ENPEP: variants seen among roughly 807,000 people sequenced by gnomAD.
ENPEP encodes glutamyl aminopeptidase.
ENPEP carries 103 observed loss-of-function variants against 114.5 expected under a neutral mutation model. The ratio of observed to expected loss-of-function variants is 0.90; its 90% CI spans 0.77 to 1.06. ENPEP has a LOEUF of 1.06. Ranked by LOEUF, ENPEP falls within the 50% of genes least tolerant of loss-of-function variation. ENPEP has a pLI of 0.00. For missense variants in ENPEP, 1,196 were observed against 1,161.3 expected (o/e 1.03, Z -0.43); for synonymous variants, 420 against 422.0 (o/e 1.00, Z 0.06).
intron 3 of ENPEP, among the ~76,000 whole-genome samples, chr4:110,492,986 G>C (rs1311721379): frequency 1.3e-5 from 2 of 152,170 alleles, no homozygotes; most frequent in East Asian, 1.9e-4. Context: ...AAACAGAAAG[G>C]CTAAGCAATT....
At chr4:110,520,450 T>A in intron 10 of ENPEP, 84 bp downstream of exon 10, 2 of 1,384,702 alleles carry the variant, frequency 1.4e-6, no homozygotes, top group Non-Finnish European at 2.0e-6. Context: ...GTTGAGTACA[T>A]GATGGATGAG....
intron 6 of ENPEP, among the ~76,000 whole-genome samples, chr4:110,512,234 C>T (rs965608347): frequency 2.6e-5 from 4 of 152,190 alleles, no homozygotes; most frequent in African/African-American, 4.8e-5. Context: ...TGGAATACCT[C>T]GTTTCACTGG....
chr4:110,555,574 T>C (rs1232976062), intron 18 of ENPEP, among the ~76,000 whole-genome samples: 1 of 152,060 alleles, frequency 6.6e-6, no homozygotes, highest in Non-Finnish European at 1.5e-5. Context: ...ATTCTTTGCT[T>C]TTGTTTCTTC....
chr4:110,495,391 C>T (rs1724887962), intron 3 of ENPEP, among the ~76,000 whole-genome samples: 1 of 152,184 alleles, frequency 6.6e-6, no homozygotes, highest in South Asian at 2.1e-4. Context: ...TTTCGCTCTG[C>T]ATGATTCTTT....
At chr4:110,547,850 G>A (rs993242789) in intron 13 of ENPEP, among the ~76,000 whole-genome samples, 3 of 151,946 alleles carry the variant, frequency 2.0e-5, no homozygotes, top group Non-Finnish European at 4.4e-5. Flanking sequence ...AAATTTAAAA[G>A]TTTCTATTTG....
At chr4:110,546,645 A>G (rs971959132) in intron 13 of ENPEP, among the ~76,000 whole-genome samples, 4 of 152,034 alleles carry the variant, frequency 2.6e-5, no homozygotes, top group Admixed American at 2.0e-4. Context: ...AACATCAGTC[A>G]AGCCAAAATC....
Position 110,520,000 on chromosome 4 carries a change from A to G in ENPEP, c.1510-8A>G, listed in dbSNP as rs780026852. On this transcript the variant is annotated splice_polypyrimidine_tract_variant and splice_region_variant and intron_variant, in intron 8 of 19. Transcript: ENST00000265162. ...ACTTCTAACATGCTGATTATTTTTT[A>G]CACACAGATGTACTTGGAAAAATAC... The G allele has an allele frequency of 8.1e-6, 13 of 1,611,138 alleles. No homozygotes were observed. The Admixed American group carries it at 2.0e-4, about 25-fold the overall frequency.
At chr4:110,533,363 C>A in intron 11 of ENPEP, 1 of 159,590 alleles carries the variant, frequency 6.3e-6, no homozygotes, top group Non-Finnish European at 1.4e-5. Flanking sequence ...TTAATTCTTT[C>A]AAGCACGTAT....
rs138785083 is a variant in ENPEP, at chr4:110,520,224, C to T, written c.1585C>T (p.Leu529=). ...FWAALEEASR[L]PVKEVMDTWT... ...TTGTTTTCAATCTTAGGCAAGTAGGCTACCAGTGAAAGAAGTAATGGACAC... is the reference window on the plus strand; with the variant it reads ...TTGTTTTCAATCTTAGGCAAGTAGGTTACCAGTGAAAGAAGTAATGGACAC... The change falls in exon 10 of 20, where the codon CTA becomes TTA. Residue 529 remains leucine, a synonymous_variant. Coordinates refer to ENST00000265162, the MANE Select transcript of ENPEP (RefSeq NM_001977.4). 118 of 1,613,504 alleles carry T rather than the reference C, an allele frequency of 7.3e-5. No homozygotes were observed. Among genetic ancestry groups the T allele is most frequent in the Non-Finnish European group, 9.3e-5 (110 of 1,179,708 alleles).
At chr4:110,477,418 A>G (rs1366231354) in intron 1 of ENPEP, among the ~76,000 whole-genome samples, 1 of 152,258 alleles carries the variant, frequency 6.6e-6, no homozygotes, top group Admixed American at 6.5e-5. Flanking sequence ...CAGGCTATGT[A>G]GCAATATATA....
intron 1 of ENPEP, among the ~76,000 whole-genome samples, chr4:110,485,825 GT>G (rs796072476): frequency 4.4e-4 from 64 of 145,018 alleles, no homozygotes; most frequent in South Asian, 1.1e-3. Context: ...TAAGTTTTTT[GT>G]TTTTTTTTTT....
intron 1 of ENPEP, among the ~76,000 whole-genome samples, chr4:110,485,282 T>G (rs1724460807): frequency 6.6e-6 from 1 of 152,186 alleles, no homozygotes. Context: ...TAACTGAGGC[T>G]TTTCTTGGGT....
intron 3 of ENPEP, chr4:110,506,381 T>C: frequency 8.2e-6 from 3 of 365,962 alleles, no homozygotes; most frequent in Non-Finnish European, 1.5e-5. Context: ...CATTGTGTCT[T>C]ACATTATTTC....
chr4:110,508,595 A>G (rs1725458891), intron 4 of ENPEP, among the ~76,000 whole-genome samples: 3 of 152,024 alleles, frequency 2.0e-5, no homozygotes, highest in African/African-American at 7.2e-5. Flanking sequence ...GTGGATCACG[A>G]GGTCAGGAGA....
At chr4:110,515,309 G>A in intron 7 of ENPEP, 68 bp from the exon 8 acceptor site, 1 of 1,298,190 alleles carries the variant, frequency 7.7e-7, no homozygotes, top group Non-Finnish European at 1.1e-6. Flanking sequence ...AGTTGCAAGA[G>A]TAATAACTGA....
intron 10 of ENPEP, among the ~76,000 whole-genome samples, chr4:110,522,255 C>T (rs1006105573): frequency 2.6e-5 from 4 of 151,776 alleles, no homozygotes; most frequent in Non-Finnish European, 4.4e-5. Flanking sequence ...GATGTTCGCT[C>T]ACTGCAACCT....
Position 110,491,175 on chromosome 4 carries a change from T to A in ENPEP, c.918+11T>A. ...AATAGTGGAAAACCTGTGAGTCTCA[T>A]TATATTTTAAAAATTTACCACCTAT... On this transcript the variant is annotated intron_variant, in intron 3 of 19. Coordinates refer to ENST00000265162, the MANE Select transcript of ENPEP (RefSeq NM_001977.4). The A allele has an allele frequency of 6.3e-7, 1 of 1,581,704 alleles. No individual in the cohort carries two copies.
chr4:110,492,429 G>T (rs1333515610), intron 3 of ENPEP, among the ~76,000 whole-genome samples: 1 of 152,164 alleles, frequency 6.6e-6, no homozygotes. Context: ...TCTGTGAAAT[G>T]AACAAAGGGA....
intron 18 of ENPEP, among the ~76,000 whole-genome samples, chr4:110,555,685 A>T (rs1368236843): frequency 6.6e-6 from 1 of 152,102 alleles, no homozygotes; most frequent in East Asian, 1.9e-4. Flanking sequence ...TCATTAGGAC[A>T]TGATTGAAAC....
Sources: gnomAD v4.1 joint callset for allele counts (sites outside exome capture counted in the v4.1 genomes callset) on GRCh38, gnomAD v4.1.1 for gene constraint, MANE v1.5 for transcripts, NCBI Gene and HGNC (gene_info 2026-07-23, HGNC 2026-07-21) for gene names.